AP3B1: variants seen among roughly 807,000 people sequenced by gnomAD.
AP3B1 encodes the protein adaptor related protein complex 3 subunit beta 1.
In AP3B1, 61 loss-of-function variants were observed where a neutral mutation model predicts 132.5. That is an observed-to-expected ratio of 0.46 (90% CI 0.37 to 0.57). AP3B1 has a LOEUF of 0.57. Among genes scored for constraint, AP3B1 ranks in the 20% least tolerant of loss-of-function variants. The pLI is 0.00. For missense variants in AP3B1, 1,120 were observed against 1,289.4 expected (o/e 0.87, Z 2.01); for synonymous variants, 388 against 438.3 (o/e 0.89, Z 1.43).
In AP3B1 at chr5:78,128,073, ACCT is replaced by A. The variant is rs1468047111; in HGVS notation, c.1922_1924del (p.Glu641del). On this transcript the variant is annotated inframe_deletion, in exon 17 of 27. Transcript: ENST00000255194. ...ATTTCGAACTGATGGGTCGGGCGCC[ACCT>A]CTGGCCAATTAGATAATTCCAGGTA... is the stretch of plus-strand genomic sequence containing the variant. The A allele has an allele frequency of 6.2e-7, 1 of 1,613,306 alleles. No homozygotes were observed. The highest frequency in any genetic ancestry group is 1.3e-5 in the African/African-American group (1 of 74,906).
intron 7 of AP3B1, among the ~76,000 whole-genome samples, chr5:78,206,280 A>C (rs1745502950): frequency 6.6e-6 from 1 of 152,182 alleles, no homozygotes; most frequent in South Asian, 2.1e-4. Flanking sequence ...GATCAAACTA[A>C]AATAGACCAT....
intron 26 of AP3B1, among the ~76,000 whole-genome samples, chr5:78,012,736 T>C (rs1344403168): frequency 6.6e-6 from 1 of 152,176 alleles, no homozygotes; most frequent in Non-Finnish European, 1.5e-5. Context: ...CTCAAGACAC[T>C]GTGGATGAGT....
chr5:78,199,130 C>T (rs1482569665), intron 7 of AP3B1, among the ~76,000 whole-genome samples: 1 of 152,162 alleles, frequency 6.6e-6, no homozygotes, highest in Admixed American at 6.6e-5. Flanking sequence ...AACACCTGTG[C>T]ACAGTAACTT....
At chr5:78,191,907 C>A (rs1744849725) in intron 7 of AP3B1, among the ~76,000 whole-genome samples, 1 of 152,154 alleles carries the variant, frequency 6.6e-6, no homozygotes, top group African/African-American at 2.4e-5. Flanking sequence ...ATTGCCCAGG[C>A]TGGAGTGCAA....
At chr5:78,058,425 G>A (rs252777) in intron 22 of AP3B1, among the ~76,000 whole-genome samples, 38,847 of 151,734 alleles carry the variant, frequency 0.26, 5,597 homozygotes, top group Admixed American at 0.39. Context: ...GCTTGAACCC[G>A]GGAGGCGGAG....
intron 24 of AP3B1, among the ~76,000 whole-genome samples, chr5:78,031,630 T>C (rs1045831843): frequency 6.6e-6 from 1 of 152,190 alleles, no homozygotes; most frequent in African/African-American, 2.4e-5. Context: ...GTTAATTCCC[T>C]GATGACTGTC....
chr5:78,046,001 G>C (rs1748311952), intron 22 of AP3B1, among the ~76,000 whole-genome samples: 1 of 152,194 alleles, frequency 6.6e-6, no homozygotes, highest in African/African-American at 2.4e-5. Flanking sequence ...TGGCAGAGGT[G>C]AGTAGTTGTA....
chr5:78,248,357 G>A (rs982983019), intron 2 of AP3B1, among the ~76,000 whole-genome samples: 3 of 151,822 alleles, frequency 2.0e-5, no homozygotes, highest in African/African-American at 7.3e-5. Flanking sequence ...AGGTGTGGTG[G>A]CGTGCACCTG....
chr5:78,175,867 G>C (rs1210609802), intron 9 of AP3B1, 29 bp from the exon 10 acceptor site: 3 of 1,539,014 alleles, frequency 1.9e-6, no homozygotes, highest in African/African-American at 2.7e-5. Context: ...TTTTTACTGG[G>C]TATATGTTCC....
chr5:78,225,617 T>C lies in AP3B1; in HGVS notation c.537-9A>G, dbSNP rs372285421. The stretch of plus-strand genomic sequence containing the variant: ...TCTGCTCTGGATCAAGGCTAAAAAA[T>C]ACAAAAATAACATATTAATTTTTCC... On this transcript the variant is annotated splice_polypyrimidine_tract_variant and intron_variant, in intron 5 of 26. Transcript: ENST00000255194. 7.4e-5 allele frequency: 113 copies of C among 1,519,862 alleles called. No individual in the cohort carries two copies. Among genetic ancestry groups the C allele is most frequent in the Admixed American group, 1.7e-5 (1 of 59,144 alleles). The allele number at this position is 1,519,862 out of a possible 1,614,324, so 94.1% of individuals were successfully genotyped here.
downstream of AP3B1, chr5:78,001,448 C>G (rs552885692): frequency 6.6e-6 from 1 of 152,174 alleles, no homozygotes; most frequent in Non-Finnish European, 1.5e-5. Flanking sequence ...ACAGAATGTA[C>G]ACATGGTACG....
At chr5:78,290,049 T>C (rs182808438) in intron 1 of AP3B1, among the ~76,000 whole-genome samples, 184 of 152,298 alleles carry the variant, frequency 1.2e-3, no homozygotes, top group African/African-American at 3.5e-3. Flanking sequence ...CGTTAGTTAA[T>C]ATCCTAGTTT....
In AP3B1 at chr5:78,006,456, C is replaced by G. The variant is rs185223064; in HGVS notation, c.3132-3401G>C. ...TTGTTTACTTGATTTTGTAGTAATG[C>G]GTAATTCAAAGCGTGCGGACTTGAT... is the stretch of plus-strand genomic sequence containing the variant. On this transcript the variant is annotated intron_variant, in intron 26 of 26. Transcript: ENST00000255194. 3.9e-5 allele frequency among the ~76,000 whole-genome samples: 6 copies of G among 152,240 alleles called. No individual in the cohort carries two copies. In the South Asian group the frequency reaches 1.2e-3, roughly 32 times the overall value.
intron 24 of AP3B1, among the ~76,000 whole-genome samples, chr5:78,029,405 TCACA>T (rs1747477256): frequency 6.6e-6 from 1 of 151,310 alleles, no homozygotes; most frequent in Non-Finnish European, 1.5e-5. Flanking sequence ...ACACACACGC[TCACA>T]CACACACACT....
At chr5:78,149,679 G>A (rs1753562512) in intron 14 of AP3B1, among the ~76,000 whole-genome samples, 2 of 152,142 alleles carry the variant, frequency 1.3e-5, no homozygotes, top group South Asian at 4.1e-4. Context: ...TGAGAAAACT[G>A]GAGCATAGTG....
chr5:78,033,843 TCTTTTGA>T (rs1747682456), intron 24 of AP3B1, among the ~76,000 whole-genome samples: 1 of 150,572 alleles, frequency 6.6e-6, no homozygotes, highest in South Asian at 2.1e-4. Flanking sequence ...ATAAATGTTC[TCTTTTGA>T]CTTTTATCAA....
chr5:78,011,446 T>A (rs1311906360), intron 26 of AP3B1, among the ~76,000 whole-genome samples: 1 of 152,226 alleles, frequency 6.6e-6, no homozygotes, highest in East Asian at 1.9e-4. Flanking sequence ...AATAGTATAC[T>A]GTTTGGCTCT....
intron 22 of AP3B1, among the ~76,000 whole-genome samples, chr5:78,082,238 T>A (rs539426353): frequency 6.6e-6 from 1 of 152,258 alleles, no homozygotes; most frequent in African/African-American, 2.4e-5. Context: ...ACCCTGTCAA[T>A]CCCAATTTTG....
chr5:78,129,557 GGAAA>G (rs1752605929), intron 15 of AP3B1, among the ~76,000 whole-genome samples: 2 of 152,012 alleles, frequency 1.3e-5, no homozygotes, highest in Non-Finnish European at 2.9e-5. Context: ...CTGCTGAAGT[GGAAA>G]GAAAGGCATC....
Sources: allele counts gnomAD v4.1 joint callset (sites outside exome capture counted in the v4.1 genomes callset), GRCh38; gene constraint gnomAD v4.1.1; transcripts MANE v1.5; gene names NCBI Gene and HGNC (gene_info 2026-07-23, HGNC 2026-07-21).